Variants in ASXL2 observed in about 807,000 individuals in gnomAD.
ASXL2 encodes the protein putative Polycomb group protein ASXL2.
In ASXL2, 23 loss-of-function variants were observed where a neutral mutation model predicts 122.0. The ratio of observed to expected loss-of-function variants is 0.19; its 90% CI spans 0.14 to 0.27. The LOEUF (loss-of-function observed/expected upper bound fraction) is 0.27. Among genes scored for constraint, ASXL2 ranks in the 10% least tolerant of loss-of-function variants. The pLI is 1.00. For missense variants in ASXL2, 1,518 were observed against 1,713.8 expected, an observed-to-expected ratio of 0.89 and a Z score of 2.02; for synonymous variants, 650 against 637.0, an observed-to-expected ratio of 1.02 and a Z score of -0.31.
At chr2:25,794,415 A>C (rs2088882422) in intron 5 of ASXL2, among the ~76,000 whole-genome samples, 1 of 152,228 alleles carries the variant, frequency 6.6e-6, no homozygotes, top group African/African-American at 2.4e-5. Flanking sequence ...ATCATAAAAA[A>C]GCAATATAAA....
chr2:25,831,338 C>G (rs901101507), intron 3 of ASXL2, among the ~76,000 whole-genome samples: 4 of 148,000 alleles, frequency 2.7e-5, no homozygotes, highest in Non-Finnish European at 4.5e-5. Context: ...AAAGAATTAA[C>G]AGCTGAAAAC....
chr2:25,859,052 T>C (rs1369844625), intron 1 of ASXL2, among the ~76,000 whole-genome samples: 2 of 151,728 alleles, frequency 1.3e-5, no homozygotes, highest in Admixed American at 1.3e-4. Flanking sequence ...TTACCTCAGG[T>C]GATCTGCCTG....
chr2:25,876,985 C>T (rs1325443762), intron 1 of ASXL2, among the ~76,000 whole-genome samples: 1 of 152,154 alleles, frequency 6.6e-6, no homozygotes. Context: ...CAAATGTTAG[C>T]AGATACAGCC....
intron 1 of ASXL2, among the ~76,000 whole-genome samples, chr2:25,877,944 C>A (rs1353178034): frequency 6.6e-6 from 1 of 152,218 alleles, no homozygotes; most frequent in African/African-American, 2.4e-5. Flanking sequence ...AGAGGACTCG[C>A]CGCAGACGCC....
intron 5 of ASXL2, among the ~76,000 whole-genome samples, chr2:25,796,252 C>G (rs1042508314): frequency 1.3e-5 from 2 of 152,116 alleles, no homozygotes; most frequent in Non-Finnish European, 2.9e-5. Flanking sequence ...GTCTAGTATT[C>G]CAACATAACC....
At chr2:25,794,130 T>A (rs1409837047) in intron 5 of ASXL2, among the ~76,000 whole-genome samples, 29 of 152,220 alleles carry the variant, frequency 1.9e-4, no homozygotes, top group South Asian at 4.1e-4. Context: ...TATGGTATTT[T>A]AAATAACTCC....
At position 25,742,807 on chromosome 2, in the gene ASXL2, T is replaced by C; in HGVS notation, c.3530A>G (p.Lys1177Arg). The C allele has an allele frequency of 6.2e-7, 1 of 1,613,996 alleles. No homozygotes were observed. Among genetic ancestry groups the C allele is most frequent in the Non-Finnish European group, 8.5e-7 (1 of 1,179,900 alleles). Reference protein sequence around the residue: ...KNATGESSSSKEDDTDEESTG... With the variant: ...KNATGESSSSREDDTDEESTG... ...ACTTTCCTCATCAGTGTCATCTTCT[T>C]TGCTGCTGCTACTCTCTCCTGTTGC... Residue 1177 changes from lysine to arginine, a missense_variant, in exon 13 of 13, where the codon AAA (lysine) becomes AGA (arginine). By Grantham distance (26) the Lys-to-Arg change is conservative. Transcript: ENST00000435504.
intron 3 of ASXL2, among the ~76,000 whole-genome samples, chr2:25,826,498 G>A (rs2089379061): frequency 6.6e-6 from 1 of 151,942 alleles, no homozygotes; most frequent in African/African-American, 2.4e-5. Flanking sequence ...CAGGTTTAAG[G>A]GACATCACTA....
Position 25,744,218 on chromosome 2 carries a change from C to T in ASXL2, c.2119G>A (p.Gly707Arg). 1 of 1,614,034 alleles carries T rather than the reference C, an allele frequency of 6.2e-7. No homozygotes were observed. Among genetic ancestry groups the T allele is most frequent in the Non-Finnish European group, 8.5e-7 (1 of 1,179,894 alleles). Residue 707 changes from glycine (G) to arginine (R), a missense_variant, in exon 13 of 13, where the codon GGG becomes AGG. Around this residue, in one of 8 missense-constraint regions of ASXL2, gnomAD observed 48 missense variants for 82.1 expected, o/e 0.58. Transcript: ENST00000435504. This position sits in a 1 kb window ranked among gnomAD's most constrained non-coding sequence, Gnocchi z 4.7. The part of the protein sequence containing the change: ...GGQGPGEGGE[G>R]QTARGGSPGS... Reference sequence around the variant, plus strand: ...GGACTGCCTCCTCTAGCAGTCTGCCCTTCACCACCCTCTCCTGGACCTTGT... The same window carrying T: ...GGACTGCCTCCTCTAGCAGTCTGCCTTTCACCACCCTCTCCTGGACCTTGT...
At chr2:25,870,390 G>A (rs2089953953) in intron 1 of ASXL2, among the ~76,000 whole-genome samples, 1 of 152,110 alleles carries the variant, frequency 6.6e-6, no homozygotes, top group Non-Finnish European at 1.5e-5. Context: ...GGGCATGGTG[G>A]TGCGTGCCTG....
chr2:25,745,148 T>A (rs1033842457), intron 12 of ASXL2, among the ~76,000 whole-genome samples: 5 of 152,180 alleles, frequency 3.3e-5, no homozygotes, highest in Admixed American at 6.5e-5. Flanking sequence ...TGCGCAATTT[T>A]AAAATATATA....
At position 25,744,171 on chromosome 2, in the gene ASXL2, T is replaced by G. The variant is rs2149137406; in HGVS notation, c.2166A>C (p.Glu722Asp). ...GGSPGSDRVSETGKGPTLELA... is the reference protein window; with the variant it reads ...GGSPGSDRVSDTGKGPTLELA... ...GTTCCAGTGTGGGGCCCTTTCCAGT[T>G]TCACTGACTCTGTCTGAGCCTGGAC... The change falls in exon 13 of 13, where the codon GAA becomes GAC. Residue 722 changes from glutamate (E) to aspartate (D), a missense_variant. Physicochemically the swap from Glu to Asp is conservative, Grantham distance 45. Around this residue, in one of 8 missense-constraint regions of ASXL2, gnomAD observed 831 missense variants for 833.1 expected, o/e 1.00. Coordinates refer to ENST00000435504, the MANE Select transcript of ASXL2 (RefSeq NM_018263.6). This position sits in a 1 kb window ranked among gnomAD's most constrained non-coding sequence, Gnocchi z 4.7. The G allele has an allele frequency of 6.2e-7, 1 of 1,614,000 alleles. No individual in the cohort carries two copies. The highest frequency in any genetic ancestry group is 8.5e-7 in the Non-Finnish European group (1 of 1,179,876).
chr2:25,864,659 T>C (rs763978103), intron 1 of ASXL2, among the ~76,000 whole-genome samples: 4 of 151,918 alleles, frequency 2.6e-5, no homozygotes, highest in Non-Finnish European at 5.9e-5. Flanking sequence ...TCTCAAACTT[T>C]AGTACTATTT....
intron 9 of ASXL2, among the ~76,000 whole-genome samples, chr2:25,758,023 C>G (rs1223039860): frequency 6.6e-6 from 1 of 151,916 alleles, no homozygotes; most frequent in East Asian, 1.9e-4. Context: ...AACTGGCATC[C>G]TCAAAGCTAT....
In ASXL2 at chr2:25,833,556, C is replaced by T. The variant is rs531075374; in HGVS notation, c.143+1982G>A. On this transcript the variant is annotated intron_variant, in intron 3 of 12. Transcript: ENST00000435504. ...TTAAAAATACAAAAAATTAGCTGGG[C>T]GTGGTAGCGTGCGCCTGTAATCTCA... 2.0e-5 allele frequency among the ~76,000 whole-genome samples: 3 copies of T among 152,146 alleles called. No individual in the cohort carries two copies. The South Asian group carries it at 6.2e-4, about 32-fold the overall frequency.
intron 1 of ASXL2, among the ~76,000 whole-genome samples, chr2:25,869,595 T>C (rs547865513): frequency 2.0e-5 from 3 of 151,942 alleles, no homozygotes; most frequent in East Asian, 3.9e-4. Context: ...GTCGAGGTGG[T>C]TGGATCACCT....
intron 6 of ASXL2, among the ~76,000 whole-genome samples, chr2:25,769,419 G>A (rs1208241825): frequency 6.6e-6 from 1 of 152,088 alleles, no homozygotes; most frequent in South Asian, 2.1e-4. Flanking sequence ...AATGAGATTT[G>A]TCCCAATTAT....
At position 25,740,562 on chromosome 2, in the gene ASXL2, T is replaced by A; in HGVS notation, c.*1467A>T. On this transcript the variant is annotated 3_prime_UTR_variant, in exon 13 of 13. Transcript: ENST00000435504. Reference sequence around the variant, plus strand: ...TTAAACTGCAGGTTTATTTTAATGTTCCTTAACCATGACCTAAATATTATG... The same window carrying A: ...TTAAACTGCAGGTTTATTTTAATGTACCTTAACCATGACCTAAATATTATG... 1 of 230,050 alleles carries A rather than the reference T, an allele frequency of 4.3e-6. No homozygotes were observed. Among genetic ancestry groups the A allele is most frequent in the Non-Finnish European group, 8.6e-6 (1 of 116,160 alleles). 14.3% of individuals were successfully genotyped at this position (230,050 alleles called of 1,614,324 possible). A position where few individuals can be genotyped will look rare whatever the true frequency, so the allele number is the denominator to read the frequency against.
At chr2:25,786,001 T>C (rs1403010689) in intron 5 of ASXL2, among the ~76,000 whole-genome samples, 2 of 152,166 alleles carry the variant, frequency 1.3e-5, no homozygotes, top group East Asian at 1.9e-4. Context: ...ATAAAATCTA[T>C]GATACAGATG....
Sources: allele counts gnomAD v4.1 joint callset (sites outside exome capture counted in the v4.1 genomes callset), GRCh38; gene constraint gnomAD v4.1.1; regional missense constraint gnomAD v4.1.1; non-coding constraint Gnocchi (gnomAD v3.1); transcripts MANE v1.5; gene names NCBI Gene and HGNC (gene_info 2026-07-23, HGNC 2026-07-21).